KLF7: variants seen among roughly 807,000 people sequenced by gnomAD.
The protein encoded by KLF7 is KLF transcription factor 7, also known as Krueppel-like factor 7.
Under a neutral mutation model 27.3 loss-of-function variants are expected in KLF7, and 2 were observed. The ratio of observed to expected loss-of-function variants is 0.07; its 90% CI spans 0.03 to 0.23. The LOEUF is 0.23. KLF7 is among the 10% of genes least tolerant of loss of function. The pLI, the probability that KLF7 is intolerant of heterozygous loss-of-function variation, is 1.00. For synonymous variants in KLF7, 165 were observed against 162.4 expected, an observed-to-expected ratio of 1.02 and a Z score of -0.12; for missense variants, 221 against 394.1, an observed-to-expected ratio of 0.56 and a Z score of 3.72.
chr2:207,094,381 A>G (rs1320193451), intron 2 of KLF7, among the ~76,000 whole-genome samples: 1 of 152,146 alleles, frequency 6.6e-6, no homozygotes, highest in East Asian at 1.9e-4. Flanking sequence ...ATGTGGTTCT[A>G]GACATTTAGG....
At chr2:207,085,535 G>A (rs1050675971) in intron 3 of KLF7, among the ~76,000 whole-genome samples, 2 of 152,164 alleles carry the variant, frequency 1.3e-5, no homozygotes, top group Non-Finnish European at 2.9e-5. Context: ...CAGTCAGATG[G>A]TGAAGAAATG....
At chr2:207,106,057 A>G (rs1321818401) in intron 2 of KLF7, among the ~76,000 whole-genome samples, 1 of 152,230 alleles carries the variant, frequency 6.6e-6, no homozygotes, top group Non-Finnish European at 1.5e-5. Context: ...ACAGTATTAG[A>G]ACTAATTAGT....
At chr2:207,161,008 T>A (rs913717976) in intron 1 of KLF7, among the ~76,000 whole-genome samples, 1 of 152,190 alleles carries the variant, frequency 6.6e-6, no homozygotes, top group Non-Finnish European at 1.5e-5. Context: ...CTTTTCCCCC[T>A]ACTAAGGACA....
chr2:207,113,573 A>C (rs1039278804), intron 2 of KLF7, among the ~76,000 whole-genome samples: 5 of 119,888 alleles, frequency 4.2e-5, no homozygotes, highest in Admixed American at 1.1e-4. Flanking sequence ...AGAAGTAGCC[A>C]ATTACCCTCC....
chr2:207,121,818 A>G (rs1367575644), intron 2 of KLF7: 1 of 152,214 alleles, frequency 6.6e-6, no homozygotes, highest in Non-Finnish European at 1.5e-5. Flanking sequence ...TCTCTATTGG[A>G]AAGAGGGGAT....
chr2:207,123,236 G>C (rs921188438), intron 2 of KLF7, among the ~76,000 whole-genome samples: 7 of 152,044 alleles, frequency 4.6e-5, no homozygotes, highest in Non-Finnish European at 1.0e-4. Context: ...ACGCGCCAGA[G>C]AACAATGCAA....
rs1166902340 is a variant in KLF7, at chr2:207,124,142, T to C, written c.365A>G (p.Tyr122Cys). 1.9e-6 allele frequency: 3 copies of C among 1,614,012 alleles called. No individual in the cohort carries two copies. The African/African-American group carries it at 4.0e-5, about 22-fold the overall frequency. The change falls in exon 2 of 4, where the codon TAC (tyrosine) becomes TGC (cysteine). Residue 122 changes from tyrosine (Y) to cysteine (C), a missense_variant. Tyr to Cys is a radical substitution (Grantham distance 194, BLOSUM62 -2). This residue lies in a region of KLF7 where 180 missense variants were observed against 227.9 expected (regional missense o/e 0.79). Transcript: ENST00000309446. ...LQPASSSLDSYTAVNQAQLNA... is the reference protein window; with the variant it reads ...LQPASSSLDSCTAVNQAQLNA... ...GAGCTGGGCCTGGTTGACGGCTGTGTAGCTGTCTAGAGAAGAGCTGGCCGG... is the reference window on the plus strand; with the variant it reads ...GAGCTGGGCCTGGTTGACGGCTGTGCAGCTGTCTAGAGAAGAGCTGGCCGG...
intron 1 of KLF7, among the ~76,000 whole-genome samples, chr2:207,131,077 T>C (rs1206110904): frequency 6.6e-6 from 1 of 152,166 alleles, no homozygotes; most frequent in Non-Finnish European, 1.5e-5. Flanking sequence ...GGACAGAATG[T>C]AGATATAAAA....
intron 2 of KLF7, among the ~76,000 whole-genome samples, chr2:207,111,893 T>A (rs2077048603): frequency 6.6e-6 from 1 of 152,132 alleles, no homozygotes. Flanking sequence ...TGAGGCCGTA[T>A]AACCACATCC....
chr2:207,165,702 G>A lies in KLF7; in HGVS notation c.-134C>T. 1 of 1,483,410 alleles carries A rather than the reference G, an allele frequency of 6.7e-7. No homozygotes were observed. The highest frequency in any genetic ancestry group is 8.9e-7 in the Non-Finnish European group (1 of 1,120,928). 91.9% of individuals were successfully genotyped at this position (1,483,410 alleles called of 1,614,324 possible). A position where few individuals can be genotyped will look rare whatever the true frequency, so the allele number is the denominator to read the frequency against. On this transcript the variant is annotated 5_prime_UTR_variant, in exon 1 of 4. Coordinates refer to ENST00000309446, the MANE Select transcript of KLF7 (RefSeq NM_003709.4). ...GGCCCTTTTGTTTTGTTTTGTTTCAGTCAACTAAAAAGGAAAAAAAAAAAT... is the reference window on the plus strand; with the variant it reads ...GGCCCTTTTGTTTTGTTTTGTTTCAATCAACTAAAAAGGAAAAAAAAAAAT...
intron 1 of KLF7, among the ~76,000 whole-genome samples, chr2:207,136,307 C>T (rs1000425011): frequency 6.6e-6 from 1 of 152,136 alleles, no homozygotes; most frequent in Non-Finnish European, 1.5e-5. Context: ...ATGATCTGAC[C>T]TTACTCTTTT....
chr2:207,123,926 A>C lies in KLF7; in HGVS notation c.581T>G (p.Val194Gly). 6.2e-7 allele frequency: 1 copy of C among 1,613,888 alleles called. No homozygotes were observed. Residue 194 changes from valine (V) to glycine (G), a missense_variant, in exon 2 of 4, where the codon GTT becomes GGT. By Grantham distance (109) the Val-to-Gly change is moderately radical. Coordinates refer to ENST00000309446, the MANE Select transcript of KLF7 (RefSeq NM_003709.4). ...AAAAVTAAGA[V>G]KSGQSDSDQG... ...GTCACTGTCGCTCTGTCCACTCTTAACGGCCCCCGCAGCCGTCACGGCTGC... is the reference window on the plus strand; with the variant it reads ...GTCACTGTCGCTCTGTCCACTCTTACCGGCCCCCGCAGCCGTCACGGCTGC...
chr2:207,170,758 T>C (rs769801033), upstream of KLF7, among the ~76,000 whole-genome samples: 3 of 152,128 alleles, frequency 2.0e-5, no homozygotes, highest in Non-Finnish European at 2.9e-5. Flanking sequence ...AAGCTCACTG[T>C]TGAGACCTAC....
At chr2:207,170,622 G>A (rs977855436), upstream of KLF7, among the ~76,000 whole-genome samples, 6 of 152,134 alleles carry the variant, frequency 3.9e-5, no homozygotes, top group Admixed American at 6.5e-5. Context: ...TTAACTTGAA[G>A]GCAATGCTCA....
In KLF7 at chr2:207,124,087, C is replaced by A; in HGVS notation, c.420G>T (p.Ser140=). The A allele has an allele frequency of 6.2e-7, 1 of 1,614,076 alleles. No homozygotes were observed. The change falls in exon 2 of 4, where the codon TCG becomes TCT. Residue 140 remains serine, a synonymous_variant. Transcript: ENST00000309446. ...LNAVTSLTPP[S]SPELSRHLVK... is the part of the protein sequence containing the mutation. ...CCAGATGGCGGCTGAGCTCAGGGGACGATGGGGGCGTTAATGAGGTCACTG... is the reference window on the plus strand; with the variant it reads ...CCAGATGGCGGCTGAGCTCAGGGGAAGATGGGGGCGTTAATGAGGTCACTG...
chr2:207,143,328 C>T (rs907260452), intron 1 of KLF7, among the ~76,000 whole-genome samples: 10 of 145,078 alleles, frequency 6.9e-5, no homozygotes, highest in South Asian at 2.1e-4. Flanking sequence ...GATCTTCACA[C>T]GTAAAGTTTA....
At chr2:207,133,355 A>G (rs552256339) in intron 1 of KLF7, among the ~76,000 whole-genome samples, 1 of 152,210 alleles carries the variant, frequency 6.6e-6, no homozygotes, top group Non-Finnish European at 1.5e-5. Flanking sequence ...CTGGATCTGC[A>G]CTGAAAGTGA....
intron 3 of KLF7, among the ~76,000 whole-genome samples, chr2:207,087,121 G>C (rs2105866710): frequency 6.6e-6 from 1 of 152,214 alleles, no homozygotes; most frequent in East Asian, 1.9e-4. Flanking sequence ...CTAGGTAATG[G>C]ATGGAAATGT....
chr2:207,165,790 G>C lies in KLF7; in HGVS notation c.-222C>G. The C allele has an allele frequency of 7.0e-7, 1 of 1,425,852 alleles. No individual in the cohort carries two copies. Among genetic ancestry groups the C allele is most frequent in the Non-Finnish European group, 9.1e-7 (1 of 1,095,278 alleles). The allele number at this position is 1,425,852 out of a possible 1,614,324, so 88.3% of individuals were successfully genotyped here. On this transcript the variant is annotated 5_prime_UTR_variant, in exon 1 of 4. Coordinates refer to ENST00000309446, the MANE Select transcript of KLF7 (RefSeq NM_003709.4). ...GAGTGAGTGGGGTGGATGGAGAGAGGCATCCAGCGTGTACAGTGCAGACGA... is the reference window on the plus strand; with the variant it reads ...GAGTGAGTGGGGTGGATGGAGAGAGCCATCCAGCGTGTACAGTGCAGACGA...
Sources: allele counts gnomAD v4.1 joint callset (sites outside exome capture counted in the v4.1 genomes callset), GRCh38; gene constraint gnomAD v4.1.1; regional missense constraint gnomAD v4.1.1; transcripts MANE v1.5; gene names NCBI Gene and HGNC (gene_info 2026-07-23, HGNC 2026-07-21).